PTPRR: variants seen among roughly 807,000 people sequenced by gnomAD.
PTPRR encodes protein tyrosine phosphatase receptor type R.
Under a neutral mutation model 77.2 loss-of-function variants are expected in PTPRR, and 38 were observed. The observed-to-expected ratio is 0.49, with a 90% CI of 0.38 to 0.65. PTPRR has a LOEUF of 0.65. Among genes scored for constraint, PTPRR ranks in the 30% least tolerant of loss-of-function variants. The pLI, the probability that PTPRR is intolerant of heterozygous loss-of-function variation, is 0.00. For missense variants in PTPRR, 744 were observed against 799.2 expected (o/e 0.93, Z 0.83); for synonymous variants, 299 against 283.1 (o/e 1.06, Z -0.57).
chr12:70,878,659 T>C (rs1320422087), intron 2 of PTPRR, among the ~76,000 whole-genome samples: 1 of 152,186 alleles, frequency 6.6e-6, no homozygotes, highest in Non-Finnish European at 1.5e-5. Context: ...GGTGGGACTG[T>C]AAACTAGTTC....
intron 2 of PTPRR, among the ~76,000 whole-genome samples, chr12:70,869,090 C>T (rs1022329726): frequency 1.1e-3 from 166 of 150,090 alleles, no homozygotes; most frequent in Admixed American, 6.1e-3. Flanking sequence ...TGCTAAATGA[C>T]GAGTTAATGG....
At chr12:70,872,324 CTTG>C (rs1379001593) in intron 2 of PTPRR, among the ~76,000 whole-genome samples, 4 of 152,046 alleles carry the variant, frequency 2.6e-5, no homozygotes, top group Non-Finnish European at 5.9e-5. Flanking sequence ...AGTTTGAGGC[CTTG>C]CATACAATAT....
At chr12:70,746,167 C>G (rs576947464) in intron 5 of PTPRR, 81 bp from the exon 6 acceptor site, 1 of 1,321,408 alleles carries the variant, frequency 7.6e-7, no homozygotes, top group Non-Finnish European at 1.0e-6. Context: ...CCACCCTGGC[C>G]GACAAACCAA....
chr12:70,739,288 T>C (rs1477839139), intron 6 of PTPRR, among the ~76,000 whole-genome samples: 1 of 152,196 alleles, frequency 6.6e-6, no homozygotes, highest in Admixed American at 6.5e-5. Context: ...CATTTTGTAT[T>C]GATTGTTAAT....
chr12:70,759,135 T>C (rs1565685245), intron 4 of PTPRR, among the ~76,000 whole-genome samples: 1 of 152,134 alleles, frequency 6.6e-6, no homozygotes, highest in Admixed American at 6.6e-5. Context: ...AGAGTCTTGC[T>C]ATGTTGCTCA....
chr12:70,708,700 ATTAT>A (rs1440826261), intron 6 of PTPRR, among the ~76,000 whole-genome samples: 4 of 151,440 alleles, frequency 2.6e-5, no homozygotes, highest in African/African-American at 7.3e-5. Flanking sequence ...AGTTTATATA[ATTAT>A]TTAAGAAAAA....
At chr12:70,823,870 C>T (rs1892064944) in intron 2 of PTPRR, among the ~76,000 whole-genome samples, 1 of 152,170 alleles carries the variant, frequency 6.6e-6, no homozygotes, top group Non-Finnish European at 1.5e-5. Flanking sequence ...GGATGTGCTA[C>T]TCGGCCTGTG....
intron 5 of PTPRR, among the ~76,000 whole-genome samples, chr12:70,750,922 T>C (rs80260686): frequency 0.022 from 3,222 of 144,210 alleles, 109 homozygotes; most frequent in African/African-American, 0.078. Context: ...TTTTTTTTTG[T>C]AAAGACAGGG....
At chr12:70,724,771 G>T (rs1191725624) in intron 6 of PTPRR, among the ~76,000 whole-genome samples, 1 of 151,900 alleles carries the variant, frequency 6.6e-6, no homozygotes, top group Admixed American at 6.6e-5. Context: ...TGTAGTGTGT[G>T]TATATATATG....
intron 2 of PTPRR, among the ~76,000 whole-genome samples, chr12:70,860,532 G>T (rs1198444060): frequency 2.0e-5 from 3 of 152,044 alleles, no homozygotes; most frequent in Non-Finnish European, 1.5e-5. Flanking sequence ...CTTTTGCTAG[G>T]TGCTCCATGT....
chr12:70,699,955 G>C (rs1236531482), intron 7 of PTPRR, among the ~76,000 whole-genome samples: 2 of 152,042 alleles, frequency 1.3e-5, no homozygotes, highest in South Asian at 4.1e-4. Flanking sequence ...CAGGAAAGTG[G>C]GCTATGGTAA....
At chr12:70,703,390 C>T (rs1379614102) in intron 6 of PTPRR, among the ~76,000 whole-genome samples, 30 of 152,216 alleles carry the variant, frequency 2.0e-4, no homozygotes, top group Non-Finnish European at 4.1e-4. Flanking sequence ...CTCATAAAAT[C>T]CTGCCTACCT....
intron 6 of PTPRR, among the ~76,000 whole-genome samples, chr12:70,729,323 T>G (rs2136876482): frequency 8.3e-6 from 1 of 120,730 alleles, no homozygotes; most frequent in Admixed American, 8.6e-5. Context: ...TTTGTATCTA[T>G]CTGTCTATCT....
At chr12:70,795,447 T>C (rs891256012) in intron 2 of PTPRR, among the ~76,000 whole-genome samples, 1 of 152,212 alleles carries the variant, frequency 6.6e-6, no homozygotes, top group African/African-American at 2.4e-5. Flanking sequence ...TAAAATAAGA[T>C]AAATCCTCAT....
At chr12:70,654,202 T>A (rs1476442889) in intron 13 of PTPRR, among the ~76,000 whole-genome samples, 2 of 152,190 alleles carry the variant, frequency 1.3e-5, no homozygotes, top group Non-Finnish European at 2.9e-5. Context: ...TTTTTCAGAA[T>A]AATCTTCTTG....
At chr12:70,761,732 T>A (rs1420499778) in intron 3 of PTPRR, 106 bp from the exon 4 acceptor site, 1 of 868,724 alleles carries the variant, frequency 1.2e-6, no homozygotes, top group South Asian at 3.0e-5. Context: ...AATTCTAGAA[T>A]CCTAAAAGGC....
chr12:70,884,334 T>C (rs1012806927), intron 2 of PTPRR, among the ~76,000 whole-genome samples: 1 of 151,932 alleles, frequency 6.6e-6, no homozygotes, highest in African/African-American at 2.4e-5. Context: ...AGTAACAAGA[T>C]AGTAAGCATG....
chr12:70,675,411 C>A (rs1464152352), intron 10 of PTPRR, among the ~76,000 whole-genome samples: 1 of 151,872 alleles, frequency 6.6e-6, no homozygotes, highest in Non-Finnish European at 1.5e-5. Context: ...TCTTTTCTCT[C>A]TTCTACCAGA....
chr12:70,827,240 T>A (rs768518004), intron 2 of PTPRR, among the ~76,000 whole-genome samples: 3 of 152,256 alleles, frequency 2.0e-5, no homozygotes, highest in Non-Finnish European at 4.4e-5. Context: ...GGCCCATGTC[T>A]CTCCAGCTGC....
Sources: allele counts gnomAD v4.1 joint callset (sites outside exome capture counted in the v4.1 genomes callset), GRCh38; gene constraint gnomAD v4.1.1; transcripts MANE v1.5; gene names NCBI Gene and HGNC (gene_info 2026-07-23, HGNC 2026-07-21).